SLC39A11: variants seen among roughly 807,000 people sequenced by gnomAD.
SLC39A11 encodes the protein zinc transporter ZIP11.
Under a neutral mutation model 36.1 loss-of-function variants are expected in SLC39A11, and 33 were observed. The ratio of observed to expected loss-of-function variants is 0.91; its 90% CI spans 0.69 to 1.22. SLC39A11 has a LOEUF of 1.22. Among genes scored for constraint, SLC39A11 ranks in the 50% most tolerant of loss-of-function variants. The pLI is 0.00. For missense variants in SLC39A11, 432 were observed against 430.3 expected (o/e 1.00, Z -0.03); for synonymous variants, 166 against 170.3 (o/e 0.97, Z 0.20).
At position 72,998,715 on chromosome 17, in the gene SLC39A11, G is replaced by A. The variant is rs543497649; in HGVS notation, c.306+32841C>T. ...ACATCTCTATGTGGTTTTGACACAT[G>A]CAGCTGCTTTGGGGTACACCTTGCA... is the stretch of plus-strand genomic sequence containing the variant. On this transcript the variant is annotated intron_variant, in intron 4 of 9. Transcript: ENST00000255559. 2.6e-5 allele frequency among the ~76,000 whole-genome samples: 4 copies of A among 152,328 alleles called. No homozygotes were observed. The South Asian group carries it at 8.3e-4, about 32-fold the overall frequency.
intron 5 of SLC39A11, among the ~76,000 whole-genome samples, chr17:72,915,411 A>G (rs896406459): frequency 2.2e-4 from 34 of 152,162 alleles, no homozygotes; most frequent in African/African-American, 6.0e-4. Flanking sequence ...AAATCCCAAC[A>G]AAGGCTCTAG....
At chr17:73,015,703 C>A (rs2090764928) in intron 4 of SLC39A11, among the ~76,000 whole-genome samples, 1 of 152,154 alleles carries the variant, frequency 6.6e-6, no homozygotes, top group Non-Finnish European at 1.5e-5. Context: ...GTGCCTTGGC[C>A]TCCCAAGTAG....
At chr17:72,721,968 C>CAAAAAAAAA (rs11399362) in intron 7 of SLC39A11, among the ~76,000 whole-genome samples, 6 of 104,948 alleles carry the variant, frequency 5.7e-5, no homozygotes, top group African/African-American at 1.9e-4. Context: ...GCCTCCATCT[C>CAAAAAAAAA]AAAAAAAAAA....
In SLC39A11 at chr17:72,700,062, C is replaced by T. The variant is rs185990167; in HGVS notation, c.671+36588G>A. ...TGCAAGAACAGAAGCTCTTGGGAGACGAAGGTTGAATGTGTAATCTTGGTT... is the reference window on the plus strand; with the variant it reads ...TGCAAGAACAGAAGCTCTTGGGAGATGAAGGTTGAATGTGTAATCTTGGTT... On this transcript the variant is annotated intron_variant, in intron 7 of 9. Transcript: ENST00000255559. Among the ~76,000 whole-genome samples the T allele has an allele frequency of 5.0e-4, 73 of 145,410 alleles. 2 individuals carry two copies. Among genetic ancestry groups the T allele is most frequent in the Admixed American group, 1.4e-3 (20 of 14,674 alleles).
rs1272219775 is a variant in SLC39A11, at chr17:73,047,662, AAAAAAT to A, written c.148-15954_148-15949del. Among the ~76,000 whole-genome samples, 17 of 151,990 alleles carry A rather than the reference AAAAAAT, an allele frequency of 1.1e-4. 1 individual carries two copies. The highest frequency in any genetic ancestry group is 3.4e-3 in the Middle Eastern group (1 of 294). On this transcript the variant is annotated intron_variant, in intron 3 of 9. Transcript: ENST00000255559. ...TCAGGCCCAGCCAGTGTGGCACTTAAAAAAATAAAAATAAAAATAAATAGGCTGGGC... is the reference window on the plus strand; with the variant it reads ...TCAGGCCCAGCCAGTGTGGCACTTAAAAAAATAAAAATAAATAGGCTGGGC...
At chr17:72,752,209 G>T (rs1036014215) in intron 6 of SLC39A11, among the ~76,000 whole-genome samples, 7 of 152,138 alleles carry the variant, frequency 4.6e-5, no homozygotes, top group Admixed American at 6.6e-5. Context: ...ACTTGAAAGT[G>T]CTGCATCCCA....
intron 7 of SLC39A11, among the ~76,000 whole-genome samples, chr17:72,667,594 C>T (rs2070813166): frequency 6.6e-6 from 1 of 152,168 alleles, no homozygotes; most frequent in Non-Finnish European, 1.5e-5. Flanking sequence ...CTGGGAGGCT[C>T]AGCACCTGCT....
chr17:72,649,644 C>CTTTTTT (rs5821920), intron 7 of SLC39A11, among the ~76,000 whole-genome samples: 16 of 138,200 alleles, frequency 1.2e-4, no homozygotes, highest in South Asian at 4.5e-4. Context: ...TTTTCTTTTT[C>CTTTTTT]TTTTTTTTTT....
At chr17:72,819,881 T>C (rs2077706923) in intron 6 of SLC39A11, among the ~76,000 whole-genome samples, 1 of 151,224 alleles carries the variant, frequency 6.6e-6, no homozygotes, top group Non-Finnish European at 1.5e-5. Context: ...ACTCCCTCTC[T>C]GTGTTAAGAA....
intron 5 of SLC39A11, among the ~76,000 whole-genome samples, chr17:72,905,376 A>G (rs2082606682): frequency 6.6e-6 from 1 of 150,998 alleles, no homozygotes; most frequent in Non-Finnish European, 1.5e-5. Flanking sequence ...CAGGCGGATC[A>G]CCTGAAGTCA....
At chr17:72,736,837 C>A in intron 6 of SLC39A11, 118 bp from the exon 7 acceptor site, 1 of 863,438 alleles carries the variant, frequency 1.2e-6, no homozygotes. Flanking sequence ...AGAAAATCAT[C>A]GTAACAGCAG....
chr17:72,822,325 TAG>T (rs747098688), intron 6 of SLC39A11, among the ~76,000 whole-genome samples: 1,588 of 144,068 alleles, frequency 0.011, 47 homozygotes, highest in African/African-American at 0.03. Flanking sequence ...AATATATATA[TAG>T]AGAGAGAGAG....
At chr17:72,923,596 C>A (rs1287649280) in intron 5 of SLC39A11, among the ~76,000 whole-genome samples, 1 of 152,138 alleles carries the variant, frequency 6.6e-6, no homozygotes, top group African/African-American at 2.4e-5. Flanking sequence ...AGTAAAACTG[C>A]CCCTGTGATC....
chr17:72,738,922 G>A (rs912845321), intron 6 of SLC39A11, among the ~76,000 whole-genome samples: 16 of 152,244 alleles, frequency 1.1e-4, no homozygotes, highest in African/African-American at 1.7e-4. Context: ...AGAAGGCAGC[G>A]GAGACTTATC....
At chr17:73,016,381 T>C (rs973347039) in intron 4 of SLC39A11, among the ~76,000 whole-genome samples, 2 of 151,580 alleles carry the variant, frequency 1.3e-5, no homozygotes, top group Non-Finnish European at 2.9e-5. Flanking sequence ...TTGCCCACAC[T>C]AGAGTGCAGT....
intron 6 of SLC39A11, among the ~76,000 whole-genome samples, chr17:72,802,418 C>G (rs762941754): frequency 5.9e-5 from 9 of 151,538 alleles, no homozygotes; most frequent in Middle Eastern, 3.4e-3. Context: ...GGTGAAAACC[C>G]GTCTCTACTA....
intron 6 of SLC39A11, among the ~76,000 whole-genome samples, chr17:72,835,089 T>C (rs543133851): frequency 3.2e-4 from 48 of 152,364 alleles, no homozygotes; most frequent in African/African-American, 1.1e-3. Context: ...CATTTAGAAG[T>C]GTGCTACCGG....
At chr17:72,957,167 AGGCCAAAGCATCATCCCAGT>A (rs1395647798) in intron 4 of SLC39A11, among the ~76,000 whole-genome samples, 2 of 152,162 alleles carry the variant, frequency 1.3e-5, no homozygotes, top group Non-Finnish European at 2.9e-5. Flanking sequence ...TACATCACAG[AGGCCAAAGCATCATCCCAGT>A]GGCCAAAGCA....
chr17:72,886,854 G>C (rs939155853), intron 5 of SLC39A11, among the ~76,000 whole-genome samples: 3 of 152,132 alleles, frequency 2.0e-5, no homozygotes, highest in African/African-American at 7.2e-5. Context: ...TCTGACTGGA[G>C]TGCTCCCTCC....
Sources: gnomAD v4.1 joint callset for allele counts (sites outside exome capture counted in the v4.1 genomes callset) on GRCh38, gnomAD v4.1.1 for gene constraint, MANE v1.5 for transcripts, NCBI Gene and HGNC (gene_info 2026-07-23, HGNC 2026-07-21) for gene names.